The following TENM2 variants were observed in gnomAD, a reference collection of about 807,000 sequenced individuals.
TENM2 encodes teneurin-2.
A neutral mutation model predicts 245.2 loss-of-function variants in TENM2; 52 were observed. The ratio of observed to expected loss-of-function variants is 0.21; its 90% confidence interval spans 0.17 to 0.27. TENM2 has a LOEUF of 0.27. TENM2 is among the 10% of genes least tolerant of loss of function. TENM2 has a pLI of 1.00. For missense variants in TENM2, 3,046 were observed against 3,666.8 expected, an observed-to-expected ratio of 0.83 and a Z score of 4.37; for synonymous variants, 1,363 against 1,438.9, an observed-to-expected ratio of 0.95 and a Z score of 1.19.
chr5:167,121,965 A>T, the TENM2 span, among the ~76,000 whole-genome samples: 17 of 152,226 alleles, frequency 1.1e-4, no homozygotes, highest in Non-Finnish European at 1.9e-4. Context: ...AAAGATTGCG[A>T]AGCTCATTTA....
chr5:167,648,169 A>C (rs1302969857), intron 2 of TENM2, among the ~76,000 whole-genome samples: 1 of 152,184 alleles, frequency 6.6e-6, no homozygotes, highest in Non-Finnish European at 1.5e-5. Context: ...ATGGGAAATG[A>C]CCCATTCTGC....
At chr5:167,938,804 G>A (rs886522193) in intron 3 of TENM2, among the ~76,000 whole-genome samples, 1 of 152,110 alleles carries the variant, frequency 6.6e-6, no homozygotes, top group East Asian at 1.9e-4. Context: ...TTAGCCGGGT[G>A]TGGTGGCATG....
intron 3 of TENM2, among the ~76,000 whole-genome samples, chr5:167,920,251 G>A (rs1777248991): frequency 6.6e-6 from 1 of 151,592 alleles, no homozygotes. Flanking sequence ...CAACACATTG[G>A]GAGGCCGAGG....
intron 4 of TENM2, among the ~76,000 whole-genome samples, chr5:167,988,769 C>A (rs958320128): frequency 3.3e-5 from 5 of 152,124 alleles, no homozygotes; most frequent in South Asian, 2.1e-4. Flanking sequence ...TTATTAGAAG[C>A]CTTTGTCAGG....
intron 11 of TENM2, among the ~76,000 whole-genome samples, chr5:168,125,413 C>T (rs1233340975): frequency 1.3e-5 from 2 of 152,166 alleles, no homozygotes; most frequent in African/African-American, 4.8e-5. Context: ...AAGGGGCTCC[C>T]TCGGGGTGCT....
At chr5:167,525,400 C>T (rs918703921) in intron 2 of TENM2, among the ~76,000 whole-genome samples, 1 of 152,090 alleles carries the variant, frequency 6.6e-6, no homozygotes, top group Non-Finnish European at 1.5e-5. Context: ...ATTTATAGGT[C>T]TTGAGGCTCC....
intron 3 of TENM2, among the ~76,000 whole-genome samples, chr5:167,928,586 C>A (rs1208241272): frequency 4.6e-5 from 7 of 151,818 alleles, no homozygotes; most frequent in Non-Finnish European, 7.4e-5. Flanking sequence ...GAAGAGACAC[C>A]AAAATATGTG....
intron 1 of TENM2, among the ~76,000 whole-genome samples, chr5:167,334,247 A>G (rs1422780226): frequency 6.6e-6 from 1 of 152,220 alleles, no homozygotes; most frequent in African/African-American, 2.4e-5. Context: ...GTTCTAGCCC[A>G]GAGTGTCTGC....
the TENM2 span, among the ~76,000 whole-genome samples, chr5:167,274,727 G>A: frequency 6.6e-5 from 10 of 151,226 alleles, no homozygotes; most frequent in African/African-American, 2.4e-4. Flanking sequence ...ATGTGTCATT[G>A]TGGAATTATC....
chr5:167,499,878 ATGTG>A (rs532668977), intron 2 of TENM2, among the ~76,000 whole-genome samples: 1 of 79,776 alleles, frequency 1.3e-5, no homozygotes, highest in East Asian at 4.1e-4. Context: ...GTGAGGGTAT[ATGTG>A]TGTGTGTGTA....
intron 2 of TENM2, among the ~76,000 whole-genome samples, chr5:167,572,193 C>A (rs138340107): frequency 6.6e-6 from 1 of 152,288 alleles, no homozygotes; most frequent in African/African-American, 2.4e-5. Flanking sequence ...TATGACACTT[C>A]GAGTTTAACA....
the TENM2 span, among the ~76,000 whole-genome samples, chr5:167,173,639 A>G: frequency 6.6e-6 from 1 of 152,002 alleles, no homozygotes; most frequent in Admixed American, 6.6e-5. Flanking sequence ...AAGACTTGCT[A>G]CTTACCATTT....
intron 1 of TENM2, among the ~76,000 whole-genome samples, chr5:167,355,283 A>C (rs1759236375): frequency 2.0e-5 from 3 of 152,206 alleles, no homozygotes; most frequent in African/African-American, 7.2e-5. Flanking sequence ...CCAGATATGC[A>C]GGAAAGTCAA....
the TENM2 span, among the ~76,000 whole-genome samples, chr5:167,216,882 G>T: frequency 6.6e-6 from 1 of 151,462 alleles, no homozygotes; most frequent in South Asian, 2.1e-4. Context: ...AGTCGAGATC[G>T]CACCACTGCA....
Position 168,190,566 on chromosome 5 carries a change from T to A in TENM2, c.2780+19T>A. 2 of 1,597,800 alleles carry A rather than the reference T, an allele frequency of 1.3e-6. No homozygotes were observed. The highest frequency in any genetic ancestry group is 1.7e-4 in the Middle Eastern group (1 of 6,044). ...ACAGCAGGTAGGCACCCTCTGTCCC[T>A]GCAAACTCCTGAAGTCTCTGATTTT... is the stretch of plus-strand genomic sequence containing the variant. On this transcript the variant is annotated intron_variant, in intron 14 of 28. Coordinates refer to ENST00000518659, the Ensembl canonical transcript of TENM2.
intron 10 of TENM2, among the ~76,000 whole-genome samples, chr5:168,123,665 C>T (rs548740548): frequency 6.6e-6 from 1 of 152,212 alleles, no homozygotes; most frequent in South Asian, 2.1e-4. Context: ...TCTGGGCCAA[C>T]AGGCCTGATT....
chr5:168,188,186 G>A (rs1012848127), intron 13 of TENM2, among the ~76,000 whole-genome samples: 4 of 152,158 alleles, frequency 2.6e-5, no homozygotes, highest in Non-Finnish European at 5.9e-5. Flanking sequence ...GGAACCAAAC[G>A]AAAAGGGTAA....
the TENM2 span, among the ~76,000 whole-genome samples, chr5:167,117,951 G>A: frequency 1.3e-5 from 2 of 151,890 alleles, no homozygotes; most frequent in African/African-American, 4.8e-5. Flanking sequence ...GAGGTTAAAT[G>A]AGACATCCAC....
At chr5:167,418,347 G>A (rs557019199) in intron 2 of TENM2, among the ~76,000 whole-genome samples, 1 of 151,562 alleles carries the variant, frequency 6.6e-6, no homozygotes, top group Non-Finnish European at 1.5e-5. Context: ...TTGGAGAAAC[G>A]TATAGAATCA....
Sources: allele counts gnomAD v4.1 joint callset (sites outside exome capture counted in the v4.1 genomes callset), GRCh38; gene constraint gnomAD v4.1.1; transcripts MANE v1.5; gene names NCBI Gene and HGNC (gene_info 2026-07-23, HGNC 2026-07-21).